RBFOX1: variants seen among roughly 807,000 people sequenced by gnomAD.
The protein encoded by RBFOX1 is RNA binding protein fox-1 homolog 1.
Under a neutral mutation model 57.7 loss-of-function variants are expected in RBFOX1, and 8 were observed. The ratio of observed to expected loss-of-function variants is 0.14; its 90% confidence interval spans 0.08 to 0.25. RBFOX1 has a LOEUF of 0.25. Among genes scored for constraint, RBFOX1 ranks in the 10% least tolerant of loss-of-function variants. The pLI, the probability that RBFOX1 is intolerant of heterozygous loss-of-function variation, is 1.00. For missense variants in RBFOX1, 611 were observed against 548.5 expected (o/e 1.11, Z -1.14); for synonymous variants, 326 against 222.4 (o/e 1.47, Z -4.15).
At chr16:6,578,013 C>G (rs542087485) in intron 2 of RBFOX1, among the ~76,000 whole-genome samples, 1 of 152,200 alleles carries the variant, frequency 6.6e-6, no homozygotes, top group Admixed American at 6.5e-5. Flanking sequence ...TGTCACCCAA[C>G]AGTGCTTATT....
chr16:6,653,373 T>C (rs77095709), intron 2 of RBFOX1, among the ~76,000 whole-genome samples: 2,355 of 152,274 alleles, frequency 0.015, 67 homozygotes, highest in African/African-American at 0.053. Flanking sequence ...GTCTTCTACA[T>C]TGTTGAGTCC....
At chr16:6,914,562 A>AC (rs377236930) in intron 3 of RBFOX1, among the ~76,000 whole-genome samples, 3 of 149,624 alleles carry the variant, frequency 2.0e-5, no homozygotes, top group African/African-American at 7.4e-5. Context: ...GAAAACAAAA[A>AC]TAAAAAAAAA....
At chr16:6,501,892 A>G (rs2095943522) in intron 2 of RBFOX1, among the ~76,000 whole-genome samples, 1 of 152,168 alleles carries the variant, frequency 6.6e-6, no homozygotes, top group African/African-American at 2.4e-5. Context: ...TTGTTCATAG[A>G]TTCATGAAAT....
chr16:7,662,042 A>G (rs1390103779), intron 12 of RBFOX1, among the ~76,000 whole-genome samples: 1 of 152,184 alleles, frequency 6.6e-6, no homozygotes, highest in Non-Finnish European at 1.5e-5. Flanking sequence ...AGAAGGGATC[A>G]GTTTCTTGGC....
intron 2 of RBFOX1, among the ~76,000 whole-genome samples, chr16:6,529,292 G>C (rs1371707778): frequency 6.6e-6 from 1 of 152,104 alleles, no homozygotes; most frequent in Non-Finnish European, 1.5e-5. Flanking sequence ...TCCAGGCACG[G>C]TGGCTCATGC....
intron 3 of RBFOX1, among the ~76,000 whole-genome samples, chr16:6,947,334 G>C (rs2079747849): frequency 6.6e-6 from 1 of 152,146 alleles, no homozygotes; most frequent in Non-Finnish European, 1.5e-5. Flanking sequence ...GTCTTTAAGA[G>C]ATAACATTAT....
chr16:7,188,808 A>G (rs1056329137), intron 4 of RBFOX1, among the ~76,000 whole-genome samples: 3 of 152,244 alleles, frequency 2.0e-5, no homozygotes, highest in African/African-American at 7.2e-5. Context: ...CGAAGGAACC[A>G]AAGAATGACA....
chr16:6,730,825 G>T (rs922737951), intron 3 of RBFOX1, among the ~76,000 whole-genome samples: 3 of 152,150 alleles, frequency 2.0e-5, no homozygotes, highest in Non-Finnish European at 4.4e-5. Context: ...TGTGGCTGAG[G>T]AGCAGAGCCG....
intron 1 of RBFOX1, among the ~76,000 whole-genome samples, chr16:5,324,364 G>A (rs1383362996): frequency 6.6e-6 from 1 of 152,166 alleles, no homozygotes; most frequent in Non-Finnish European, 1.5e-5. Flanking sequence ...TCAGGAGGCT[G>A]AGGCAGGAGA....
chr16:7,351,565 C>T (rs2097130408), intron 4 of RBFOX1, among the ~76,000 whole-genome samples: 1 of 152,196 alleles, frequency 6.6e-6, no homozygotes, highest in Admixed American at 6.5e-5. Flanking sequence ...AGGGAAGAAA[C>T]AGTTAATGAT....
intron 3 of RBFOX1, among the ~76,000 whole-genome samples, chr16:5,792,591 C>T (rs887683178): frequency 2.6e-5 from 4 of 152,074 alleles, no homozygotes; most frequent in Admixed American, 6.5e-5. Context: ...GCCTGTAATC[C>T]CAGCACTTTG....
intron 1 of RBFOX1, among the ~76,000 whole-genome samples, chr16:5,429,582 C>T (rs12445051): frequency 0.41 from 62,619 of 152,000 alleles, 15,493 homozygotes; most frequent in East Asian, 0.63. Flanking sequence ...AGCTGGCTCG[C>T]AGGTGGAATA....
At chr16:6,894,100 G>T (rs917473012) in intron 3 of RBFOX1, among the ~76,000 whole-genome samples, 7 of 152,084 alleles carry the variant, frequency 4.6e-5, no homozygotes, top group Admixed American at 2.0e-4. Context: ...ATAGATAGAC[G>T]AACAGATACA....
At chr16:7,649,026 G>C (rs1162766812) in intron 11 of RBFOX1, among the ~76,000 whole-genome samples, 1 of 152,146 alleles carries the variant, frequency 6.6e-6, no homozygotes, top group African/African-American at 2.4e-5. Context: ...TTCCTATCCA[G>C]ACCCTAAGAG....
At position 7,569,123 on chromosome 16, in the gene RBFOX1, G is replaced by A. The variant is rs13337090; in HGVS notation, c.271-10654G>A. Among the ~76,000 whole-genome samples the A allele has an allele frequency of 3.3e-3, 507 of 152,076 alleles. 4 individuals carry two copies. The highest frequency in any genetic ancestry group is 0.012 in the African/African-American group (481 of 41,472). On this transcript the variant is annotated intron_variant, in intron 5 of 15. Coordinates refer to ENST00000550418, the MANE Select transcript of RBFOX1 (RefSeq NM_018723.4). ...CACACCATGGCTCTAAAACAGGACC[G>A]TCCCATTGACAGTGATGAAAATGTT...
At chr16:5,991,461 C>A (rs570780726) in intron 4 of RBFOX1, among the ~76,000 whole-genome samples, 1 of 152,152 alleles carries the variant, frequency 6.6e-6, no homozygotes, top group Admixed American at 6.5e-5. Flanking sequence ...TGGCAATTAG[C>A]CTCTAGTTTG....
intron 1 of RBFOX1, among the ~76,000 whole-genome samples, chr16:6,089,735 G>T (rs568998538): frequency 6.6e-6 from 1 of 152,144 alleles, no homozygotes; most frequent in Non-Finnish European, 1.5e-5. Context: ...TCACTGGAAA[G>T]GTAGGTGAAA....
At chr16:5,994,442 A>G (rs1344996647) in intron 4 of RBFOX1, among the ~76,000 whole-genome samples, 2 of 152,226 alleles carry the variant, frequency 1.3e-5, no homozygotes, top group Non-Finnish European at 2.9e-5. Flanking sequence ...GATTACAAGC[A>G]TGAGCCACCA....
intron 3 of RBFOX1, among the ~76,000 whole-genome samples, chr16:7,008,532 T>C (rs1295147412): frequency 6.6e-6 from 1 of 151,804 alleles, no homozygotes; most frequent in Non-Finnish European, 1.5e-5. Flanking sequence ...AGGGCAAGAC[T>C]TTGTCTCAAA....
Sources: allele counts gnomAD v4.1 joint callset (sites outside exome capture counted in the v4.1 genomes callset), GRCh38; gene constraint gnomAD v4.1.1; transcripts MANE v1.5; gene names NCBI Gene and HGNC (gene_info 2026-07-23, HGNC 2026-07-21).